The following DOCK7 variants were observed in gnomAD, a reference collection of about 807,000 sequenced individuals.
DOCK7 encodes the protein dedicator of cytokinesis protein 7.
In DOCK7, 138 loss-of-function variants were observed where a neutral mutation model predicts 271.0. The observed-to-expected ratio is 0.51, with a 90% CI of 0.44 to 0.59. The LOEUF (loss-of-function observed/expected upper bound fraction) is 0.59, where lower values mean the gene tolerates loss of function less well. DOCK7 is among the 20% of genes least tolerant of loss of function. The pLI is 0.00. For missense variants in DOCK7, 2,066 were observed against 2,592.4 expected (o/e 0.80, Z 4.41); for synonymous variants, 823 against 876.1 (o/e 0.94, Z 1.07).
chr1:62,646,733 G>C (rs1656716543), intron 7 of DOCK7, among the ~76,000 whole-genome samples: 1 of 152,142 alleles, frequency 6.6e-6, no homozygotes, highest in Non-Finnish European at 1.5e-5. Context: ...CGCATTCTAT[G>C]GTATTTTGTT....
chr1:62,648,052 C>A, intron 6 of DOCK7, 54 bp downstream of exon 6: 1 of 1,528,124 alleles, frequency 6.5e-7, no homozygotes, highest in South Asian at 1.1e-5. Context: ...CAATCATAAT[C>A]CCAAAAGATC....
At chr1:62,508,084 A>G (rs1162054992) in intron 34 of DOCK7, 26 bp from the exon 35 acceptor site, 12 of 1,557,032 alleles carry the variant, frequency 7.7e-6, no homozygotes, top group Middle Eastern at 1.7e-4. Flanking sequence ...GTAAGAAATT[A>G]TATTTATCTT....
At chr1:62,514,543 G>C (rs1299852907) in intron 31 of DOCK7, among the ~76,000 whole-genome samples, 1 of 151,990 alleles carries the variant, frequency 6.6e-6, no homozygotes, top group Non-Finnish European at 1.5e-5. Flanking sequence ...CTCTGTTTCA[G>C]TCATCATACT....
At chr1:62,474,115 G>T in intron 47 of DOCK7, 27 bp from the exon 48 acceptor site, 1 of 1,569,292 alleles carries the variant, frequency 6.4e-7, no homozygotes. Flanking sequence ...TAAGAAGTGT[G>T]TTTTTTTGTT....
chr1:62,582,536 C>A (rs1217149864), intron 16 of DOCK7, among the ~76,000 whole-genome samples: 1 of 97,452 alleles, frequency 1.0e-5, no homozygotes, highest in Non-Finnish European at 1.8e-5. Context: ...GGGGACAGAG[C>A]GAGACTCCGT....
chr1:62,656,924 C>T (rs185280026), intron 2 of DOCK7, among the ~76,000 whole-genome samples: 1 of 152,306 alleles, frequency 6.6e-6, no homozygotes, highest in African/African-American at 2.4e-5. Flanking sequence ...TCTTCCCTCA[C>T]AAAGCTGTAA....
chr1:62,480,746 T>C (rs1044027336), intron 43 of DOCK7, among the ~76,000 whole-genome samples: 7 of 152,158 alleles, frequency 4.6e-5, no homozygotes, highest in Non-Finnish European at 8.8e-5. Flanking sequence ...CGGTGGCTCA[T>C]GCCTGTAATC....
At chr1:62,478,234 A>C (rs1464441256) in intron 43 of DOCK7, 4 of 154,842 alleles carry the variant, frequency 2.6e-5, no homozygotes, top group African/African-American at 9.6e-5. Flanking sequence ...TTTTAAAACA[A>C]CACTTACATA....
At chr1:62,479,033 G>A (rs1273527887) in intron 43 of DOCK7, 1 of 151,938 alleles carries the variant, frequency 6.6e-6, no homozygotes, top group Non-Finnish European at 1.5e-5. Context: ...TTACAGGTGT[G>A]TGCCACCTTG....
intron 43 of DOCK7, chr1:62,484,457 T>C (rs983365382): frequency 2.0e-5 from 3 of 152,148 alleles, no homozygotes; most frequent in African/African-American, 7.2e-5. Flanking sequence ...TGAATACAAA[T>C]TCGTCACTAT....
rs1657403328 is a variant in DOCK7, at chr1:62,651,697, CA to C, written c.389+2027del. On this transcript the variant is annotated intron_variant, in intron 4 of 49. Coordinates refer to ENST00000635253, the MANE Select transcript of DOCK7 (RefSeq NM_001367561.1). ...TGGTTAAAATACCTTTCACATTTCT[CA>C]TGCACATTATTCTCATGTATGTAAG... 2.6e-5 allele frequency among the ~76,000 whole-genome samples: 4 copies of C among 152,132 alleles called. No individual in the cohort carries two copies. In the South Asian group the frequency reaches 8.3e-4, roughly 32 times the overall value.
intron 30 of DOCK7, among the ~76,000 whole-genome samples, chr1:62,528,655 T>C (rs1190325567): frequency 6.6e-6 from 1 of 152,224 alleles, no homozygotes; most frequent in Non-Finnish European, 1.5e-5. Flanking sequence ...CCTGTCAAAG[T>C]TCTTAATACA....
intron 43 of DOCK7, chr1:62,485,782 CAT>C (rs769543562): frequency 7.1e-6 from 6 of 848,156 alleles, no homozygotes; most frequent in Non-Finnish European, 8.5e-6. Flanking sequence ...GTAGAAAACA[CAT>C]TTTTTAAATG....
chr1:62,620,725 CA>C (rs975878477), intron 12 of DOCK7, among the ~76,000 whole-genome samples: 11 of 149,572 alleles, frequency 7.4e-5, no homozygotes, highest in Non-Finnish European at 5.9e-5. Flanking sequence ...CTAAAAAATA[CA>C]AAAAAAAATT....
chr1:62,591,561 AT>A (rs1213785000), intron 14 of DOCK7, among the ~76,000 whole-genome samples: 1 of 152,206 alleles, frequency 6.6e-6, no homozygotes, highest in African/African-American at 2.4e-5. Flanking sequence ...ACTCAAAAAA[AT>A]CTGCTCACAA....
At chr1:62,595,687 G>A (rs979269389) in intron 14 of DOCK7, among the ~76,000 whole-genome samples, 3 of 152,148 alleles carry the variant, frequency 2.0e-5, no homozygotes, top group African/African-American at 7.2e-5. Context: ...TCAGCACTTT[G>A]AGAGGCTGAT....
At chr1:62,648,669 T>C (rs940376777) in intron 4 of DOCK7, 125 bp from the exon 5 acceptor site, 15 of 507,210 alleles carry the variant, frequency 3.0e-5, no homozygotes, top group African/African-American at 2.8e-4. Context: ...TAAGAATCTA[T>C]TCTAGCAATT....
chr1:62,636,592 T>C lies in DOCK7; in HGVS notation c.830A>G (p.Glu277Gly). The change falls in exon 8 of 50, where the codon GAA (glutamate) becomes GGA (glycine). Residue 277 changes from glutamate to glycine, a missense_variant. Coordinates refer to ENST00000635253, the MANE Select transcript of DOCK7 (RefSeq NM_001367561.1). Reference sequence around the variant, plus strand: ...CAAACTTGCAAAAATGGGTTCAATTTCAATTTCAAACCTTTATGAAGAAAA... The same window carrying C: ...CAAACTTGCAAAAATGGGTTCAATTCCAATTTCAAACCTTTATGAAGAAAA... ...VKCLSLKFEI[E>G]IEPIFASLAL... 6.2e-7 allele frequency: 1 copy of C among 1,600,482 alleles called. No homozygotes were observed. Among genetic ancestry groups the C allele is most frequent in the Middle Eastern group, 1.7e-4 (1 of 6,042 alleles).
chr1:62,605,734 A>G (rs1368618193), intron 14 of DOCK7: 1 of 152,376 alleles, frequency 6.6e-6, no homozygotes, highest in Non-Finnish European at 1.5e-5. Flanking sequence ...AAACAGCCTG[A>G]CAAGCATGTA....
Sources: allele counts gnomAD v4.1 joint callset (sites outside exome capture counted in the v4.1 genomes callset), GRCh38; gene constraint gnomAD v4.1.1; transcripts MANE v1.5; gene names NCBI Gene and HGNC (gene_info 2026-07-23, HGNC 2026-07-21).